Variants in FRMD3 observed in about 807,000 individuals in gnomAD.
FRMD3 encodes the protein FERM domain-containing protein 3.
FRMD3 carries 33 observed loss-of-function variants against 70.2 expected under a neutral mutation model. That is an observed-to-expected ratio of 0.47 (90% CI 0.36 to 0.63). The LOEUF is 0.63. FRMD3 is among the 20% of genes least tolerant of loss of function. FRMD3 has a pLI of 0.00. For synonymous variants in FRMD3, 279 were observed against 255.9 expected (o/e 1.09, Z -0.86); for missense variants, 632 against 711.4 (o/e 0.89, Z 1.27).
intron 6 of FRMD3, among the ~76,000 whole-genome samples, chr9:83,334,297 C>A (rs1280230421): frequency 6.6e-6 from 1 of 152,176 alleles, no homozygotes; most frequent in African/African-American, 2.4e-5. Context: ...TGGCCTGTTG[C>A]TTTCTGAAAG....
chr9:83,341,979 A>T (rs1296688814), intron 5 of FRMD3, among the ~76,000 whole-genome samples: 1 of 151,754 alleles, frequency 6.6e-6, no homozygotes, highest in Non-Finnish European at 1.5e-5. Flanking sequence ...ATAACCGATG[A>T]CCAGCTAATG....
At chr9:83,271,040 C>T (rs905221600) in intron 13 of FRMD3, among the ~76,000 whole-genome samples, 7 of 152,284 alleles carry the variant, frequency 4.6e-5, no homozygotes, top group African/African-American at 1.7e-4. Flanking sequence ...CCTACAGAAG[C>T]CTGCTGAATG....
chr9:83,299,143 T>A lies in FRMD3; in HGVS notation c.970A>T (p.Ile324Leu). ...SQIKTVSSSK[I>L]FFKGSRFRYS... ...CGAAATCTACTTCCTTTAAAAAATA[T>A]CTTGCTGCTTGATACAGTCTTGATC... The change falls in exon 11 of 14, where the codon ATA becomes TTA. Residue 324 changes from isoleucine to leucine, a missense_variant. This residue lies in a region of FRMD3 where 418 missense variants were observed against 442.1 expected (regional missense o/e 0.95). Transcript: ENST00000304195. 6.2e-7 allele frequency: 1 copy of A among 1,612,984 alleles called. No individual in the cohort carries two copies. The highest frequency in any genetic ancestry group is 8.5e-7 in the Non-Finnish European group (1 of 1,179,326).
At chr9:83,534,161 A>G (rs1829844789) in intron 1 of FRMD3, among the ~76,000 whole-genome samples, 1 of 152,168 alleles carries the variant, frequency 6.6e-6, no homozygotes, top group Non-Finnish European at 1.5e-5. Context: ...TCCCTTCCCC[A>G]GGCCTCTGTC....
intron 13 of FRMD3, among the ~76,000 whole-genome samples, chr9:83,289,276 G>A (rs990512505): frequency 6.6e-6 from 1 of 152,262 alleles, no homozygotes; most frequent in South Asian, 2.1e-4. Context: ...AATTCATTTG[G>A]CATGGAACTT....
intron 1 of FRMD3, among the ~76,000 whole-genome samples, chr9:83,476,119 C>T (rs1828390063): frequency 6.6e-6 from 1 of 152,186 alleles, no homozygotes; most frequent in African/African-American, 2.4e-5. Context: ...CACCATGGCT[C>T]ACACCTGTAA....
At chr9:83,308,816 C>G (rs931444672) in intron 10 of FRMD3, among the ~76,000 whole-genome samples, 1 of 152,182 alleles carries the variant, frequency 6.6e-6, no homozygotes, top group African/African-American at 2.4e-5. Context: ...ACTATGAACA[C>G]AGGTGACTCT....
intron 1 of FRMD3, among the ~76,000 whole-genome samples, chr9:83,503,707 C>T (rs996691613): frequency 1.3e-5 from 2 of 152,164 alleles, no homozygotes; most frequent in African/African-American, 4.8e-5. Flanking sequence ...AAGGCAGAAT[C>T]CAAAGGGTGA....
upstream of FRMD3, among the ~76,000 whole-genome samples, chr9:83,538,861 C>G (rs1829961846): frequency 6.6e-6 from 1 of 152,184 alleles, no homozygotes; most frequent in South Asian, 2.1e-4. The surrounding 1 kb of genome is among the most constrained non-coding windows in gnomAD (Gnocchi z 4.7). Context: ...GATTCCGCCT[C>G]GGGAAAGGAT....
the FRMD3 span, among the ~76,000 whole-genome samples, chr9:83,550,902 T>C: frequency 6.6e-6 from 1 of 152,162 alleles, no homozygotes; most frequent in Non-Finnish European, 1.5e-5. Context: ...TTTCTAGATA[T>C]AGAATCATAT....
chr9:83,275,571 G>T (rs1820186879), intron 13 of FRMD3, among the ~76,000 whole-genome samples: 1 of 152,150 alleles, frequency 6.6e-6, no homozygotes, highest in Non-Finnish European at 1.5e-5. Flanking sequence ...AGATGGTGAG[G>T]TAAGGGACCC....
intron 5 of FRMD3, among the ~76,000 whole-genome samples, chr9:83,337,019 A>G (rs1232022555): frequency 6.6e-6 from 1 of 151,978 alleles, no homozygotes; most frequent in Non-Finnish European, 1.5e-5. Context: ...CTTTTGTTGT[A>G]TAGGCCCTAA....
intron 13 of FRMD3, among the ~76,000 whole-genome samples, chr9:83,286,779 T>C (rs930913793): frequency 6.6e-6 from 1 of 152,194 alleles, no homozygotes; most frequent in African/African-American, 2.4e-5. Context: ...TAAGTGGTGA[T>C]GCTGAGTCTC....
chr9:83,284,476 C>T (rs535771276), intron 13 of FRMD3, among the ~76,000 whole-genome samples: 5 of 152,192 alleles, frequency 3.3e-5, no homozygotes, highest in African/African-American at 2.4e-5. Context: ...GGCATGGTGG[C>T]GTGTGCCTGT....
chr9:83,278,039 G>A (rs1215288287), intron 13 of FRMD3, among the ~76,000 whole-genome samples: 1 of 152,204 alleles, frequency 6.6e-6, no homozygotes, highest in Non-Finnish European at 1.5e-5. Context: ...TAGCATGAGA[G>A]GGAGCAAACA....
chr9:83,473,078 A>T (rs1828309120), intron 1 of FRMD3, among the ~76,000 whole-genome samples: 1 of 152,036 alleles, frequency 6.6e-6, no homozygotes, highest in Non-Finnish European at 1.5e-5. Context: ...CTCCAAAATC[A>T]ATCATTATTA....
the FRMD3 span, among the ~76,000 whole-genome samples, chr9:83,563,631 G>A: frequency 4.6e-5 from 7 of 152,092 alleles, no homozygotes; most frequent in African/African-American, 1.4e-4. Context: ...TAATCTAAGA[G>A]CAGGAATCCC....
chr9:83,356,393 G>A (rs1423644611), intron 3 of FRMD3, among the ~76,000 whole-genome samples: 5 of 148,222 alleles, frequency 3.4e-5, no homozygotes, highest in Admixed American at 6.9e-5. Flanking sequence ...CTCCTGCTTC[G>A]GCCTCCCAAG....
chr9:83,309,455 A>G, intron 10 of FRMD3, 81 bp downstream of exon 10: 1 of 783,678 alleles, frequency 1.3e-6, no homozygotes, highest in Non-Finnish European at 2.1e-6. Flanking sequence ...TAAAAGAAAT[A>G]AATATGCAGC....
Sources: gnomAD v4.1 joint callset for allele counts (sites outside exome capture counted in the v4.1 genomes callset) on GRCh38, gnomAD v4.1.1 for gene constraint, gnomAD v4.1.1 regional missense constraint, Gnocchi (gnomAD v3.1) non-coding constraint, MANE v1.5 for transcripts, NCBI Gene and HGNC (gene_info 2026-07-23, HGNC 2026-07-21) for gene names.